SLC45A4: variants seen among roughly 807,000 people sequenced by gnomAD.
SLC45A4 encodes polyamine-transporter SLC45A4.
In SLC45A4, 32 loss-of-function variants were observed where a neutral mutation model predicts 63.7. The ratio of observed to expected loss-of-function variants is 0.50; its 90% CI spans 0.38 to 0.67. The LOEUF (loss-of-function observed/expected upper bound fraction) is 0.67. SLC45A4 is among the 30% of genes least tolerant of loss of function. The pLI is 0.00. For synonymous variants in SLC45A4, 535 were observed against 510.0 expected, an observed-to-expected ratio of 1.05 and a Z score of -0.66; for missense variants, 1,027 against 1,157.7, an observed-to-expected ratio of 0.89 and a Z score of 1.64.
chr8:141,255,305 T>C (rs1330127884), intron 1 of SLC45A4, among the ~76,000 whole-genome samples: 1 of 152,014 alleles, frequency 6.6e-6, no homozygotes, highest in Non-Finnish European at 1.5e-5. Context: ...ATCCAACTCC[T>C]GGGCTCAAGC....
rs1825792307 is a variant in SLC45A4 at position 141,211,336 on chromosome 8, G to A, written c.*236C>T. On this transcript the variant is annotated 3_prime_UTR_variant, in exon 9 of 9. Coordinates refer to ENST00000517878, the MANE Select transcript of SLC45A4 (RefSeq NM_001286646.2). ...GAGCGGGGTCACATGGCTGGGCGCA[G>A]ACACACTCACACGCGCACGCAGGAG... is the stretch of plus-strand genomic sequence containing the variant. 5 of 1,328,642 alleles carry A rather than the reference G, an allele frequency of 3.8e-6. No homozygotes were observed. The highest frequency in any genetic ancestry group is 5.1e-6 in the Non-Finnish European group (5 of 988,302). The allele number at this position is 1,328,642 out of a possible 1,614,324, so 82.3% of individuals were successfully genotyped here.
At chr8:141,300,632 G>A (rs1271467279) in intron 1 of SLC45A4, among the ~76,000 whole-genome samples, 1 of 152,210 alleles carries the variant, frequency 6.6e-6, no homozygotes, top group African/African-American at 2.4e-5. Context: ...GCAGGAAGAA[G>A]GGCGGAGCAG....
chr8:141,297,531 A>G (rs898249542), intron 1 of SLC45A4, among the ~76,000 whole-genome samples: 1 of 152,262 alleles, frequency 6.6e-6, no homozygotes, highest in African/African-American at 2.4e-5. Context: ...CCACAGACCC[A>G]GAAAACTTAA....
chr8:141,218,470 G>T lies in SLC45A4; in HGVS notation c.1170C>A (p.Pro390=), dbSNP rs746275501. 23 of 1,612,964 alleles carry T rather than the reference G, an allele frequency of 1.4e-5. No homozygotes were observed. Among genetic ancestry groups the T allele is most frequent in the Admixed American group, 3.3e-5 (2 of 60,004 alleles). ...TGTAGCCGCCGAGGGCGTCTTTTGT[G>T]GGGGAGCCACTTCCGTTTGGGACTT... ...EAKVPNGSGS[P]TKDALGGYTR... The change falls in exon 5 of 9, where the codon CCC becomes CCA. Residue 390 remains proline, a synonymous_variant. Transcript: ENST00000517878.
At chr8:141,276,009 C>A (rs546372736) in intron 1 of SLC45A4, among the ~76,000 whole-genome samples, 15 of 151,764 alleles carry the variant, frequency 9.9e-5, no homozygotes, top group African/African-American at 3.6e-4. Context: ...ACCTTCTGGG[C>A]TCAGGCAATC....
rs917242046 is a variant in SLC45A4 at position 141,301,527 on chromosome 8, G to A, written c.-401+6569C>T. Among the ~76,000 whole-genome samples, 13 of 151,826 alleles carry A rather than the reference G, an allele frequency of 8.6e-5. No homozygotes were observed. In the East Asian group the frequency reaches 9.6e-4, roughly 11 times the overall value. On this transcript the variant is annotated intron_variant, in intron 1 of 8. Transcript: ENST00000517878. ...GGAGCCTGAGGCAGGAGGGAGGGTC[G>A]CTTGAGGCCAGGAGTTCATGACCGG...
intron 2 of SLC45A4, among the ~76,000 whole-genome samples, chr8:141,244,673 G>C (rs192821551): frequency 1.3e-4 from 20 of 152,168 alleles, no homozygotes; most frequent in Non-Finnish European, 2.1e-4. Context: ...GCAGAGACAA[G>C]TCTGGCCTGG....
At chr8:141,288,640 G>A (rs767350982) in intron 1 of SLC45A4, among the ~76,000 whole-genome samples, 1 of 152,264 alleles carries the variant, frequency 6.6e-6, no homozygotes, top group Non-Finnish European at 1.5e-5. Context: ...GTCCTGTCCT[G>A]CAGGACTGAG....
intron 1 of SLC45A4, among the ~76,000 whole-genome samples, chr8:141,292,365 A>C (rs186548590): frequency 7.9e-5 from 12 of 152,308 alleles, no homozygotes; most frequent in Admixed American, 7.8e-4. Context: ...CTCCCTCCCC[A>C]AGGCTCTAAG....
chr8:141,295,259 G>C (rs1251767481), intron 1 of SLC45A4, among the ~76,000 whole-genome samples: 5 of 152,044 alleles, frequency 3.3e-5, no homozygotes, highest in African/African-American at 9.7e-5. Flanking sequence ...TGGGGCCCTG[G>C]GGCTCAGAGA....
At position 141,256,472 on chromosome 8, in the gene SLC45A4, A is replaced by T. The variant is rs1238077509; in HGVS notation, c.-400-1843T>A. On this transcript the variant is annotated intron_variant, in intron 1 of 8. Coordinates refer to ENST00000517878, the MANE Select transcript of SLC45A4 (RefSeq NM_001286646.2). The surrounding 1 kb of genome is among the most constrained non-coding windows in gnomAD (Gnocchi z 4.3). ...CCAGAAACCTCGAGGTGCTGTCTTC[A>T]CTCGGCTCCTCTCTCACACAGCCCT... 1 of 450,014 alleles carries T rather than the reference A, an allele frequency of 2.2e-6. No homozygotes were observed. Among genetic ancestry groups the T allele is most frequent in the Non-Finnish European group, 4.5e-6 (1 of 223,068 alleles). 27.9% of individuals were successfully genotyped at this position (450,014 alleles called of 1,614,324 possible).
At chr8:141,298,519 C>A (rs564100654) in intron 1 of SLC45A4, among the ~76,000 whole-genome samples, 4 of 152,342 alleles carry the variant, frequency 2.6e-5, no homozygotes, top group Admixed American at 1.3e-4. Flanking sequence ...CAGTGCCCAA[C>A]AAGAGGGCAA....
rs1827086228 is a variant in SLC45A4, at chr8:141,227,536, A to G, written c.242-5771T>C. Among the ~76,000 whole-genome samples, 1 of 152,148 alleles carries G rather than the reference A, an allele frequency of 6.6e-6. No individual in the cohort carries two copies. Among genetic ancestry groups the G allele is most frequent in the Non-Finnish European group, 1.5e-5 (1 of 68,020 alleles). On this transcript the variant is annotated intron_variant, in intron 2 of 8. Coordinates refer to ENST00000517878, the MANE Select transcript of SLC45A4 (RefSeq NM_001286646.2). The surrounding 1 kb of genome is among the most constrained non-coding windows in gnomAD (Gnocchi z 4.4). ...AGCATCCTTGAGTGACCTCTGATGAATTTAAGTCAAGGAACACTGTCAGGA... is the reference window on the plus strand; with the variant it reads ...AGCATCCTTGAGTGACCTCTGATGAGTTTAAGTCAAGGAACACTGTCAGGA...
At chr8:141,223,709 C>T (rs922790564) in intron 2 of SLC45A4, among the ~76,000 whole-genome samples, 5 of 152,222 alleles carry the variant, frequency 3.3e-5, no homozygotes, top group Non-Finnish European at 7.3e-5. Context: ...AGGAGGCCCC[C>T]GCCAACCCTG....
chr8:141,216,536 A>G (rs971064053), intron 6 of SLC45A4, among the ~76,000 whole-genome samples: 1 of 152,190 alleles, frequency 6.6e-6, no homozygotes, highest in African/African-American at 2.4e-5. Context: ...AGAGGCATTT[A>G]CTTCGGCCAT....
At chr8:141,244,763 A>G (rs1828084658) in intron 2 of SLC45A4, among the ~76,000 whole-genome samples, 1 of 152,006 alleles carries the variant, frequency 6.6e-6, no homozygotes, top group Non-Finnish European at 1.5e-5. Flanking sequence ...AATGTGACAG[A>G]CCCTGGAGTT....
rs965876720 is a variant in SLC45A4, at chr8:141,215,505, C to T, written c.1941+254G>A. On this transcript the variant is annotated intron_variant, in intron 7 of 8. Transcript: ENST00000517878. This position sits in a 1 kb window ranked among gnomAD's most constrained non-coding sequence, Gnocchi z 4.3. ...GGGGACCAAAGGGGCAGGGACAGTGCTTTTGCCTCCAGAAGCCTCTGGAGG... is the reference window on the plus strand; with the variant it reads ...GGGGACCAAAGGGGCAGGGACAGTGTTTTTGCCTCCAGAAGCCTCTGGAGG... Among the ~76,000 whole-genome samples the T allele has an allele frequency of 2.0e-5, 3 of 152,006 alleles. No homozygotes were observed. Among genetic ancestry groups the T allele is most frequent in the East Asian group, 3.9e-4 (2 of 5,132 alleles).
intron 8 of SLC45A4, 150 bp downstream of exon 8, chr8:141,212,047 G>A (rs1825851943): frequency 1.5e-6 from 2 of 1,365,140 alleles, no homozygotes; most frequent in South Asian, 3.9e-5. Context: ...GGCTATGGGG[G>A]CGGAGGGGCT....
At position 141,254,329 on chromosome 8, in the gene SLC45A4, T is replaced by C. The variant is rs1828667299; in HGVS notation, c.-100A>G. ...AATTAAGACGTCTTCTCTTTCTGCTTCTGCTGTGTTCCTCGGGCAGGTAAC... is the reference window on the plus strand; with the variant it reads ...AATTAAGACGTCTTCTCTTTCTGCTCCTGCTGTGTTCCTCGGGCAGGTAAC... On this transcript the variant is annotated 5_prime_UTR_variant, in exon 2 of 9. Coordinates refer to ENST00000517878, the MANE Select transcript of SLC45A4 (RefSeq NM_001286646.2). This position sits in a 1 kb window ranked among gnomAD's most constrained non-coding sequence, Gnocchi z 4.5. The C allele has an allele frequency of 7.6e-7, 1 of 1,315,614 alleles. No homozygotes were observed. The highest frequency in any genetic ancestry group is 2.5e-5 in the East Asian group (1 of 39,520). 81.5% of individuals were successfully genotyped at this position (1,315,614 alleles called of 1,614,324 possible). A position where few individuals can be genotyped will look rare whatever the true frequency, so the allele number is the denominator to read the frequency against.
Sources: gnomAD v4.1 joint callset for allele counts (sites outside exome capture counted in the v4.1 genomes callset) on GRCh38, gnomAD v4.1.1 for gene constraint, Gnocchi (gnomAD v3.1) non-coding constraint, MANE v1.5 for transcripts, NCBI Gene and HGNC (gene_info 2026-07-23, HGNC 2026-07-21) for gene names.